Variants in ZNF577 observed in about 807,000 individuals in gnomAD.
ZNF577 encodes the protein zinc finger protein 577.
In ZNF577, 14 loss-of-function variants were observed where a neutral mutation model predicts 13.9. The ratio of observed to expected loss-of-function variants is 1.00; its 90% CI spans 0.66 to 1.57. ZNF577 has a LOEUF of 1.57. ZNF577 is among the 40% of genes most tolerant of loss of function. The probability of loss-of-function intolerance (pLI) is 0.00; values close to 1 mark genes in which losing one functional copy is unlikely to be tolerated. For missense variants in ZNF577, 555 were observed against 579.2 expected (o/e 0.96, Z 0.43); for synonymous variants, 203 against 202.9 (o/e 1.00, Z 0.00).
chr19:51,828,367 C>CAA lies in ZNF577; in HGVS notation c.*599+11524_*599+11525dup, dbSNP rs11307174. Among the ~76,000 whole-genome samples the CAA allele has an allele frequency of 2.8e-4, 33 of 118,532 alleles. 1 individual carries two copies. The highest frequency in any genetic ancestry group is 1.1e-3 in the Admixed American group (13 of 11,778). 77.8% of individuals were successfully genotyped at this position (118,532 alleles called of 152,430 possible). ...TGGGAGACAGAGAAAGATTCCATCT[C>CAA]AAAAAAAAAAAAAGGAGAAGAAAAA... is the stretch of plus-strand genomic sequence containing the variant. On this transcript the variant is annotated intron_variant and NMD_transcript_variant, in intron 9 of 10. Transcript: ENST00000638827.
At chr19:51,844,546 T>C (rs1184155361) in intron 6 of ZNF577, among the ~76,000 whole-genome samples, 1 of 152,226 alleles carries the variant, frequency 6.6e-6, no homozygotes, top group Admixed American at 6.5e-5. Flanking sequence ...CTGCTACTTA[T>C]ATGGCAATTG....
At chr19:51,851,053 C>G (rs1462944588) in intron 5 of ZNF577, among the ~76,000 whole-genome samples, 1 of 152,120 alleles carries the variant, frequency 6.6e-6, no homozygotes, top group Non-Finnish European at 1.5e-5. Flanking sequence ...AATCTATACT[C>G]AAATTCATAT....
rs1462922636 is a variant in ZNF577 at position 51,886,891 on chromosome 19, T to C, written c.-289A>G. 1.3e-5 allele frequency: 2 copies of C among 152,184 alleles called. No homozygotes were observed. The highest frequency in any genetic ancestry group is 4.8e-5 in the African/African-American group (2 of 41,448). The allele number at this position is 152,184 out of a possible 1,614,324, so 9.4% of individuals were successfully genotyped here. ...CACTTGCCACCTGGCTAAAATTATT[T>C]GCAGATGACAAAAATGCTCAACTAG... On this transcript the variant is annotated 5_prime_UTR_variant, in exon 1 of 6. Coordinates refer to ENST00000638348, the MANE Select transcript of ZNF577 (RefSeq NM_001370449.1).
Position 51,873,279 on chromosome 19 carries a change from T to A in ZNF577, c.711A>T (p.Thr237=), listed in dbSNP as rs1292563445. 5 of 1,613,186 alleles carry A rather than the reference T, an allele frequency of 3.1e-6. No individual in the cohort carries two copies. The highest frequency in any genetic ancestry group is 4.2e-6 in the Non-Finnish European group (5 of 1,179,312). The change falls in exon 6 of 6, where the codon ACA becomes ACT. Residue 237 remains threonine (T), a synonymous_variant. Coordinates refer to ENST00000638348, the MANE Select transcript of ZNF577 (RefSeq NM_001370449.1). The stretch of plus-strand genomic sequence containing the variant: ...TGCTGCATCTGTAGGGTTTCTCTCC[T>A]GTATGGGTTCTCTGATGGACCATGA... ...SQLMVHQRTH[T]GEKPYRCSKC...
intron 5 of ZNF577, among the ~76,000 whole-genome samples, chr19:51,848,507 A>T (rs551920644): frequency 6.6e-6 from 1 of 152,330 alleles, no homozygotes; most frequent in East Asian, 1.9e-4. Context: ...AGAAAGATGG[A>T]GATTAGGAGA....
At chr19:51,864,099 A>C (rs2084533006), downstream of ZNF577, among the ~76,000 whole-genome samples, 1 of 152,226 alleles carries the variant, frequency 6.6e-6, no homozygotes, top group Non-Finnish European at 1.5e-5. Flanking sequence ...GTGTATGTTT[A>C]TCAGTAATTA....
At chr19:51,882,297 C>T (rs560077169) in intron 1 of ZNF577, among the ~76,000 whole-genome samples, 2 of 152,068 alleles carry the variant, frequency 1.3e-5, no homozygotes, top group East Asian at 1.9e-4. Flanking sequence ...CAAATACTCA[C>T]GCGGAGAACA....
rs146505321 is a variant in ZNF577, at chr19:51,857,093, G to C, written c.284-12162C>G. On this transcript the variant is annotated intron_variant and NMD_transcript_variant, in intron 5 of 10. Coordinates refer to the ZNF577 transcript ENST00000638827. Reference sequence around the variant, plus strand: ...AGGCAGGCGGAACATGAGGTCAAGAGATCGAGACTATCCTGGCCAACATGG... The same window carrying C: ...AGGCAGGCGGAACATGAGGTCAAGACATCGAGACTATCCTGGCCAACATGG... Among the ~76,000 whole-genome samples, 506 of 152,230 alleles carry C rather than the reference G, an allele frequency of 3.3e-3. 3 individuals carry two copies. The highest frequency in any genetic ancestry group is 0.014 in the Middle Eastern group (4 of 294).
At position 51,872,876 on chromosome 19, in the gene ZNF577, G is replaced by C. The variant is rs146387185; in HGVS notation, c.1114C>G (p.His372Asp). The change falls in exon 6 of 6, where the codon CAT becomes GAT. Residue 372 changes from histidine (H) to aspartate (D), a missense_variant. Physicochemically the swap from His to Asp is moderately conservative, Grantham distance 81. Transcript: ENST00000638348. ...AFAHMSVLIK[H>D]EKTHIRETAI... ...GTCTCTCTTATGTGAGTTTTCTCAT[G>C]TTTAATGAGGACTGACATGTGGGCA... The C allele has an allele frequency of 3.1e-6, 5 of 1,614,054 alleles. No homozygotes were observed. Among genetic ancestry groups the C allele is most frequent in the Non-Finnish European group, 4.2e-6 (5 of 1,180,030 alleles).
At chr19:51,823,691 G>T in intron 9 of ZNF577, 1 of 1,390,032 alleles carries the variant, frequency 7.2e-7, no homozygotes, top group Non-Finnish European at 9.8e-7. Context: ...TAGTTGTATT[G>T]TAAGATGGTG....
At chr19:51,826,929 C>T (rs1040020508) in intron 9 of ZNF577, among the ~76,000 whole-genome samples, 2 of 152,094 alleles carry the variant, frequency 1.3e-5, no homozygotes, top group African/African-American at 4.8e-5. Context: ...TGCTAGAATG[C>T]AAGTCTGAAA....
chr19:51,884,493 AAGTT>A (rs1317470801), intron 1 of ZNF577, among the ~76,000 whole-genome samples: 1 of 152,282 alleles, frequency 6.6e-6, no homozygotes, highest in East Asian at 1.9e-4. Flanking sequence ...CCATGAAAAA[AAGTT>A]AGAGTCATCA....
At position 51,878,383 on chromosome 19, in the gene ZNF577, C is replaced by T; in HGVS notation, c.187+6G>A. The T allele has an allele frequency of 6.2e-7, 1 of 1,613,574 alleles. No individual in the cohort carries two copies. Among genetic ancestry groups the T allele is most frequent in the South Asian group, 1.1e-5 (1 of 91,008 alleles). ...AAAAGGTAAGTGACGGCAATGCTGT[C>T]CTTACCTATTGATACTAGGTTGATG... On this transcript the variant is annotated splice_donor_region_variant and intron_variant, in intron 4 of 5. Coordinates refer to ENST00000638348, the MANE Select transcript of ZNF577 (RefSeq NM_001370449.1).
chr19:51,814,376 C>A (rs1316812638), intron 9 of ZNF577, among the ~76,000 whole-genome samples: 2 of 152,192 alleles, frequency 1.3e-5, no homozygotes, highest in Non-Finnish European at 2.9e-5. Flanking sequence ...CGTTGCAGGT[C>A]CCACAAATTA....
chr19:51,878,599 T>C, intron 3 of ZNF577, 84 bp from the exon 4 acceptor site: 1 of 1,545,312 alleles, frequency 6.5e-7, no homozygotes, highest in South Asian at 1.2e-5. Context: ...CTTGATCCTT[T>C]TCTCCATGAC....
chr19:51,875,114 G>C (rs934411023), intron 5 of ZNF577, among the ~76,000 whole-genome samples: 3 of 151,960 alleles, frequency 2.0e-5, no homozygotes, highest in Non-Finnish European at 2.9e-5. Context: ...CACGTCTGTA[G>C]TCCCAGCACT....
At chr19:51,827,759 C>T (rs920585816) in intron 9 of ZNF577, among the ~76,000 whole-genome samples, 1 of 152,198 alleles carries the variant, frequency 6.6e-6, no homozygotes, top group African/African-American at 2.4e-5. Context: ...TAACTCATAA[C>T]TCAGCCCTTT....
intron 9 of ZNF577, among the ~76,000 whole-genome samples, chr19:51,817,201 T>C (rs1432584378): frequency 1.3e-5 from 2 of 152,144 alleles, no homozygotes; most frequent in African/African-American, 4.8e-5. Flanking sequence ...TCCAGCTCCA[T>C]TGTTCCCTTG....
intron 5 of ZNF577, among the ~76,000 whole-genome samples, chr19:51,856,477 C>G (rs983833054): frequency 7.2e-5 from 11 of 152,170 alleles, no homozygotes; most frequent in African/African-American, 2.7e-4. Context: ...TGCTAACAGA[C>G]AGTTTTGTGT....
Sources: allele counts gnomAD v4.1 joint callset (sites outside exome capture counted in the v4.1 genomes callset), GRCh38; gene constraint gnomAD v4.1.1; transcripts MANE v1.5; gene names NCBI Gene and HGNC (gene_info 2026-07-23, HGNC 2026-07-21).